The following NCAM2 variants were observed in gnomAD, a reference collection of about 807,000 sequenced individuals.
The protein encoded by NCAM2 is neural cell adhesion molecule 2.
A neutral mutation model predicts 98.1 loss-of-function variants in NCAM2; 30 were observed. The ratio of observed to expected loss-of-function variants is 0.31; its 90% CI spans 0.23 to 0.41. NCAM2 has a LOEUF of 0.41. Among genes scored for constraint, NCAM2 ranks in the 10% least tolerant of loss-of-function variants. NCAM2 has a pLI of 1.00. For missense variants in NCAM2, 867 were observed against 1,005.8 expected (o/e 0.86, Z 1.87); for synonymous variants, 368 against 342.4 (o/e 1.07, Z -0.83).
intron 6 of NCAM2, among the ~76,000 whole-genome samples, chr21:21,334,039 C>A (rs1348753991): frequency 2.0e-5 from 3 of 152,056 alleles, no homozygotes; most frequent in Non-Finnish European, 4.4e-5. Flanking sequence ...TCCCTGCAAC[C>A]TGCCTCAGCA....
chr21:21,282,812 A>G (rs1373004798), intron 2 of NCAM2, among the ~76,000 whole-genome samples: 4 of 151,856 alleles, frequency 2.6e-5, no homozygotes, highest in Admixed American at 6.6e-5. Context: ...GAAAATTTTG[A>G]TAGAAATTAT....
chr21:21,345,903 G>A (rs2075174112), intron 8 of NCAM2, among the ~76,000 whole-genome samples: 1 of 151,712 alleles, frequency 6.6e-6, no homozygotes, highest in Non-Finnish European at 1.5e-5. Context: ...AATGGTCAAG[G>A]ATAAAAAAGC....
intron 1 of NCAM2, among the ~76,000 whole-genome samples, chr21:21,062,617 GT>G (rs2065346634): frequency 6.6e-6 from 1 of 152,146 alleles, no homozygotes; most frequent in African/African-American, 2.4e-5. Context: ...ATAAATTTTT[GT>G]TGTTTAAGCC....
At chr21:21,279,115 C>T (rs897851197) in intron 1 of NCAM2, among the ~76,000 whole-genome samples, 1 of 152,052 alleles carries the variant, frequency 6.6e-6, no homozygotes, top group Admixed American at 6.6e-5. Flanking sequence ...TAGCTGTGAG[C>T]CCTACACGTG....
At chr21:21,210,479 A>G (rs748894033) in intron 1 of NCAM2, 1 of 1,222,394 alleles carries the variant, frequency 8.2e-7, no homozygotes, top group Non-Finnish European at 1.1e-6. Context: ...ATTCTTCATG[A>G]AGTACAAGTA....
At chr21:21,358,712 G>T (rs2075563435) in intron 8 of NCAM2, among the ~76,000 whole-genome samples, 1 of 151,978 alleles carries the variant, frequency 6.6e-6, no homozygotes, top group East Asian at 1.9e-4. Context: ...TGATTTATCT[G>T]CTCTGTGATA....
intron 12 of NCAM2, among the ~76,000 whole-genome samples, chr21:21,453,072 A>G (rs1569080169): frequency 8.0e-6 from 1 of 125,498 alleles, no homozygotes; most frequent in East Asian, 2.1e-4. Flanking sequence ...TATATTTATA[A>G]ATTATTATAT....
chr21:21,011,726 T>C lies in NCAM2; in HGVS notation c.55+13108T>C, dbSNP rs531656516. Among the ~76,000 whole-genome samples the C allele has an allele frequency of 2.0e-5, 3 of 152,160 alleles. No homozygotes were observed. In the South Asian group the frequency reaches 6.2e-4, roughly 32 times the overall value. The stretch of plus-strand genomic sequence containing the variant: ...GGAATGGGAGAATATATTTGTAAAC[T>C]ATACCTCTGATAAGGGGTTAACATC... On this transcript the variant is annotated intron_variant, in intron 1 of 17. Transcript: ENST00000400546.
At chr21:21,474,115 C>T (rs1300355764) in intron 14 of NCAM2, among the ~76,000 whole-genome samples, 1 of 151,908 alleles carries the variant, frequency 6.6e-6, no homozygotes, top group Non-Finnish European at 1.5e-5. Context: ...AGACACTCTA[C>T]AGATATGCAT....
Position 21,097,430 on chromosome 21 carries a change from T to C in NCAM2, c.55+98812T>C, listed in dbSNP as rs11088851. Among the ~76,000 whole-genome samples, 4 of 151,830 alleles carry C rather than the reference T, an allele frequency of 2.6e-5. No homozygotes were observed. In the East Asian group the frequency reaches 7.7e-4, roughly 29 times the overall value. On this transcript the variant is annotated intron_variant, in intron 1 of 17. Transcript: ENST00000400546. ...TTAGAACTGCAAAATTGAGGACTGT[T>C]TTTATTATTGGTTATGGATATTGGT...
chr21:21,382,409 C>T (rs962856636), intron 9 of NCAM2, among the ~76,000 whole-genome samples: 1 of 152,038 alleles, frequency 6.6e-6, no homozygotes, highest in African/African-American at 2.4e-5. Flanking sequence ...ACTGCCCTTC[C>T]AATTAGGTAA....
At chr21:21,212,916 G>T (rs577398866) in intron 1 of NCAM2, among the ~76,000 whole-genome samples, 1 of 151,900 alleles carries the variant, frequency 6.6e-6, no homozygotes, top group East Asian at 2.0e-4. Context: ...CTAATTTTTT[G>T]TATTTTTAGT....
chr21:21,009,121 C>G (rs1053166960), intron 1 of NCAM2, among the ~76,000 whole-genome samples: 1 of 152,032 alleles, frequency 6.6e-6, no homozygotes, highest in African/African-American at 2.4e-5. Context: ...TATGTGTATT[C>G]CTAGAACATG....
intron 8 of NCAM2, among the ~76,000 whole-genome samples, chr21:21,343,358 TACACACACAC>T (rs71195322): frequency 8.3e-6 from 1 of 120,800 alleles, no homozygotes; most frequent in Non-Finnish European, 1.8e-5. Flanking sequence ...TCTATACACA[TACACACACAC>T]ACACACACAC....
chr21:21,060,065 A>G (rs958448648), intron 1 of NCAM2, among the ~76,000 whole-genome samples: 114 of 152,134 alleles, frequency 7.5e-4, no homozygotes, highest in African/African-American at 2.7e-3. Flanking sequence ...AACTAATCTG[A>G]TAATAAGGTG....
rs1435152630 is a variant in NCAM2 at position 21,114,852 on chromosome 21, C to T, written c.55+116234C>T. ...TTTTTTTTTTTTTTTTGAAGTTTCG[C>T]TCTTGTCGCCCAGGCTGGAATGCAG... On this transcript the variant is annotated intron_variant, in intron 1 of 17. Transcript: ENST00000400546. Among the ~76,000 whole-genome samples the T allele has an allele frequency of 3.8e-4, 58 of 151,202 alleles. 4 individuals are homozygous for T. Among genetic ancestry groups the T allele is most frequent in the Admixed American group, 3.8e-3 (58 of 15,202 alleles).
At chr21:21,411,228 A>G (rs1228840713) in intron 10 of NCAM2, among the ~76,000 whole-genome samples, 2 of 142,266 alleles carry the variant, frequency 1.4e-5, no homozygotes, top group Non-Finnish European at 3.0e-5. Flanking sequence ...CCATATATAT[A>G]TATATGGAAA....
Position 21,111,269 on chromosome 21 carries a change from C to A in NCAM2, c.55+112651C>A, listed in dbSNP as rs1354925392. Among the ~76,000 whole-genome samples, 6 of 152,104 alleles carry A rather than the reference C, an allele frequency of 3.9e-5. No individual in the cohort carries two copies. The East Asian group carries it at 7.7e-4, about 20-fold the overall frequency. Reference sequence around the variant, plus strand: ...ATTTTATTTTGCTATTCATACGTTACTTCTCTTTTAAAATGTAAGTCTGTA... The same window carrying A: ...ATTTTATTTTGCTATTCATACGTTAATTCTCTTTTAAAATGTAAGTCTGTA... On this transcript the variant is annotated intron_variant, in intron 1 of 17. Coordinates refer to ENST00000400546, the MANE Select transcript of NCAM2 (RefSeq NM_004540.5).
Position 21,324,388 on chromosome 21 carries a change from C to A in NCAM2, c.625C>A (p.Pro209Thr), listed in dbSNP as rs375644333. 4 of 1,612,200 alleles carry A rather than the reference C, an allele frequency of 2.5e-6. No individual in the cohort carries two copies. The African/African-American group carries it at 5.3e-5, about 22-fold the overall frequency. The change falls in exon 6 of 18, where the codon CCA (proline) becomes ACA (threonine). Residue 209 changes from proline to threonine, a missense_variant. Around this residue, in one of 5 missense-constraint regions of NCAM2, gnomAD observed 447 missense variants for 495.7 expected, o/e 0.90. Coordinates refer to ENST00000400546, the MANE Select transcript of NCAM2 (RefSeq NM_004540.5). ...RDIIVIVNVP[P>T]AISMPQKSFN... ...TGTATTCATCTCTCCTTCAGTGCCGCCAGCAATCTCAATGCCTCAGAAATC... is the reference window on the plus strand; with the variant it reads ...TGTATTCATCTCTCCTTCAGTGCCGACAGCAATCTCAATGCCTCAGAAATC...
Sources: gnomAD v4.1 joint callset for allele counts (sites outside exome capture counted in the v4.1 genomes callset) on GRCh38, gnomAD v4.1.1 for gene constraint, gnomAD v4.1.1 regional missense constraint, MANE v1.5 for transcripts, NCBI Gene and HGNC (gene_info 2026-07-23, HGNC 2026-07-21) for gene names.